Variants in LARS1 observed in about 807,000 individuals in gnomAD.
LARS1 encodes the protein leucine--tRNA ligase, cytoplasmic.
LARS1 carries 100 observed loss-of-function variants against 162.8 expected under a neutral mutation model. That is an observed-to-expected ratio of 0.61 (90% confidence interval 0.52 to 0.73). The LOEUF (loss-of-function observed/expected upper bound fraction) is 0.73. LARS1 is among the 30% of genes least tolerant of loss of function. The pLI is 0.00. For synonymous variants in LARS1, 457 were observed against 462.8 expected, an observed-to-expected ratio of 0.99 and a Z score of 0.16; for missense variants, 1,258 against 1,408.9, an observed-to-expected ratio of 0.89 and a Z score of 1.71.
At position 146,133,244 on chromosome 5, in the gene LARS1, T is replaced by C. The variant is rs3797628; in HGVS notation, c.2213-163A>G. On this transcript the variant is annotated intron_variant, in intron 22 of 31. Coordinates refer to ENST00000394434, the MANE Select transcript of LARS1 (RefSeq NM_020117.11). ...AACAAAAATTAAAATCACCAAAAAG[T>C]AGCATCCCTAACCGTGATGTTAAAA... Among the ~76,000 whole-genome samples the C allele has an allele frequency of 0.22, 33,884 of 152,124 alleles. 4,829 individuals carry two copies. The highest frequency in any genetic ancestry group is 0.34 in the Admixed American group (5,124 of 15,280).
intron 10 of LARS1, among the ~76,000 whole-genome samples, chr5:146,155,968 G>T (rs1041862552): frequency 2.6e-5 from 4 of 152,152 alleles, no homozygotes; most frequent in Non-Finnish European, 5.9e-5. Context: ...ACCAAACAAT[G>T]AAATACTATG....
intron 21 of LARS1, 82 bp from the exon 22 acceptor site, chr5:146,135,746 G>T: frequency 1.1e-6 from 1 of 918,314 alleles, no homozygotes; most frequent in Non-Finnish European, 1.6e-6. Flanking sequence ...AACTAGGTTG[G>T]CCATGACCAG....
At chr5:146,148,615 A>G (rs1287922798) in intron 15 of LARS1, among the ~76,000 whole-genome samples, 1 of 152,200 alleles carries the variant, frequency 6.6e-6, no homozygotes. Context: ...CAGGGTATGG[A>G]GTAGTATATA....
In LARS1 at chr5:146,159,423, T is replaced by A. The variant is rs1302621982; in HGVS notation, c.755A>T (p.Asp252Val). The A allele has an allele frequency of 6.2e-7, 1 of 1,611,996 alleles. No individual in the cohort carries two copies. Among genetic ancestry groups the A allele is most frequent in the Non-Finnish European group, 8.5e-7 (1 of 1,178,214 alleles). Residue 252 changes from aspartate (D) to valine (V), a missense_variant, in exon 8 of 32, where the codon GAT (aspartate) becomes GTT (valine). By Grantham distance (152) the Asp-to-Val change is radical. Coordinates refer to ENST00000394434, the MANE Select transcript of LARS1 (RefSeq NM_020117.11). ...PKDGQPCMDH[D>V]RQTGEGVGPQ... ...AATAATCACCTCTCCAGTTTGTCTA[T>A]CATGATCCATGCAAGGCTGTCCATC...
Position 146,143,091 on chromosome 5 carries a change from T to A in LARS1, c.1878-7A>T, listed in dbSNP as rs753072412. 4 of 1,555,676 alleles carry A rather than the reference T, an allele frequency of 2.6e-6. No individual in the cohort carries two copies. In the Admixed American group the frequency reaches 7.7e-5, roughly 30 times the overall value. ...CTTGGTCATCTGTTGCGGTCTGTATTAAAAATAAAACAAACTATTTTATAT... is the reference window on the plus strand; with the variant it reads ...CTTGGTCATCTGTTGCGGTCTGTATAAAAAATAAAACAAACTATTTTATAT... On this transcript the variant is annotated splice_polypyrimidine_tract_variant and splice_region_variant and intron_variant, in intron 19 of 31. Transcript: ENST00000394434.
intron 25 of LARS1, among the ~76,000 whole-genome samples, chr5:146,129,523 C>T (rs1007513201): frequency 6.6e-6 from 1 of 152,106 alleles, no homozygotes; most frequent in African/African-American, 2.4e-5. Flanking sequence ...CTGTATTGTT[C>T]ATGCATTTAA....
intron 21 of LARS1, among the ~76,000 whole-genome samples, chr5:146,136,875 T>G (rs929397970): frequency 3.3e-5 from 5 of 152,232 alleles, no homozygotes; most frequent in South Asian, 2.1e-4. Flanking sequence ...TCAGCTGCCA[T>G]TTGTTTAAAG....
chr5:146,169,465 T>C (rs1409899938), intron 4 of LARS1, among the ~76,000 whole-genome samples: 1 of 152,038 alleles, frequency 6.6e-6, no homozygotes, highest in African/African-American at 2.4e-5. Context: ...CAAGGATGAT[T>C]AAAGGATGAT....
intron 1 of LARS1, 138 bp from the exon 2 acceptor site, chr5:146,177,803 A>C (rs1287701843): frequency 2.2e-6 from 1 of 455,322 alleles, no homozygotes; most frequent in African/African-American, 2.1e-5. Flanking sequence ...ATGAACATTA[A>C]AAATTAGGGT....
chr5:146,153,044 A>G (rs114154552), intron 13 of LARS1, 130 bp downstream of exon 13: 1,283 of 679,710 alleles, frequency 1.9e-3, no homozygotes, highest in Non-Finnish European at 2.5e-3. Flanking sequence ...AATTAAAGTG[A>G]GTAAATCCTT....
intron 4 of LARS1, among the ~76,000 whole-genome samples, chr5:146,170,507 A>T (rs1014566674): frequency 6.6e-6 from 1 of 151,816 alleles, no homozygotes; most frequent in Non-Finnish European, 1.5e-5. Flanking sequence ...TGGAAAGGAC[A>T]TTTTGAGTCT....
At chr5:146,173,159 GCAA>G (rs1427336890) in intron 2 of LARS1, among the ~76,000 whole-genome samples, 17 of 152,020 alleles carry the variant, frequency 1.1e-4, no homozygotes, top group African/African-American at 4.1e-4. Context: ...ACCAGCCTGG[GCAA>G]CATGGTGAAA....
chr5:146,171,784 T>C, intron 4 of LARS1, 126 bp downstream of exon 4: 3 of 629,428 alleles, frequency 4.8e-6, no homozygotes, highest in East Asian at 5.8e-5. Flanking sequence ...ATTTTCACTA[T>C]AATAAATTCA....
Position 146,130,068 on chromosome 5 carries a change from C to A in LARS1, c.2578G>T (p.Ala860Ser). 1 of 1,613,948 alleles carries A rather than the reference C, an allele frequency of 6.2e-7. No individual in the cohort carries two copies. The highest frequency in any genetic ancestry group is 8.5e-7 in the Non-Finnish European group (1 of 1,179,866). Residue 860 changes from alanine to serine, a missense_variant, in exon 25 of 32, where the codon GCT becomes TCT. Transcript: ENST00000394434. ...TCACACAAATGTGGACAGAATGGAG[C>A]GAGGAGAAGTGTCTGAACTTCAATA... ...RFIEVQTLLLAPFCPHLCEHI... is the reference protein window; with the variant it reads ...RFIEVQTLLLSPFCPHLCEHI...
intron 1 of LARS1, among the ~76,000 whole-genome samples, chr5:146,179,408 C>T (rs1221612734): frequency 2.0e-5 from 3 of 151,986 alleles, no homozygotes; most frequent in Non-Finnish European, 4.4e-5. Flanking sequence ...GTGGTCCACC[C>T]GTCTCAGCCT....
chr5:146,114,935 T>C (rs931152738), intron 31 of LARS1, among the ~76,000 whole-genome samples: 13 of 149,586 alleles, frequency 8.7e-5, no homozygotes, highest in African/African-American at 2.7e-4. Context: ...TCCCAGCTAG[T>C]AGGGAGGCTG....
At position 146,133,048 on chromosome 5, in the gene LARS1, G is replaced by T. The variant is rs1752354278; in HGVS notation, c.2246C>A (p.Thr749Asn). Residue 749 changes from threonine (T) to asparagine (N), a missense_variant, in exon 23 of 32, where the codon ACT (threonine) becomes AAT (asparagine). By Grantham distance (65) the Thr-to-Asn change is moderately conservative. Coordinates refer to ENST00000394434, the MANE Select transcript of LARS1 (RefSeq NM_020117.11). ...TTCCACAAAGTTGGCATCTTCTACA[G>T]TGTCACCAGCATCAGCCAGAGCCAA... Reference protein sequence around the residue: ...MRLALADAGDTVEDANFVEAM... With the variant: ...MRLALADAGDNVEDANFVEAM... The T allele has an allele frequency of 6.2e-7, 1 of 1,613,932 alleles. No individual in the cohort carries two copies. The highest frequency in any genetic ancestry group is 1.3e-5 in the African/African-American group (1 of 75,016).
intron 31 of LARS1, among the ~76,000 whole-genome samples, chr5:146,118,996 CCTTT>C: frequency 6.6e-6 from 1 of 152,146 alleles, no homozygotes; most frequent in Non-Finnish European, 1.5e-5. Context: ...TCCTGGATAC[CCTTT>C]CCCCTTACCT....
At position 146,172,718 on chromosome 5, in the gene LARS1, A is replaced by G; in HGVS notation, c.182T>C (p.Leu61Ser). Reference protein sequence around the residue: ...PYPYMNGRLHLGHTFSLSKCE... With the variant: ...PYPYMNGRLHSGHTFSLSKCE... ...TTTGGATAAAGAAAACGTGTGTCCC[A>G]AATGAAGGCGTCCATTCATATATGG... is the stretch of plus-strand genomic sequence containing the variant. Residue 61 changes from leucine to serine, a missense_variant, in exon 3 of 32, where the codon TTG (leucine) becomes TCG (serine). By Grantham distance (145) the Leu-to-Ser change is moderately radical. Coordinates refer to ENST00000394434, the MANE Select transcript of LARS1 (RefSeq NM_020117.11). 6.3e-7 allele frequency: 1 copy of G among 1,586,444 alleles called. No individual in the cohort carries two copies. Among genetic ancestry groups the G allele is most frequent in the Non-Finnish European group, 8.6e-7 (1 of 1,167,708 alleles).
Sources: gnomAD v4.1 joint callset for allele counts (sites outside exome capture counted in the v4.1 genomes callset) on GRCh38, gnomAD v4.1.1 for gene constraint, MANE v1.5 for transcripts, NCBI Gene and HGNC (gene_info 2026-07-23, HGNC 2026-07-21) for gene names.